The following LYRM4 variants were observed in gnomAD, a reference collection of about 807,000 sequenced individuals.
LYRM4 encodes the protein LYR motif containing 4.
LYRM4 carries 9 observed loss-of-function variants against 11.7 expected under a neutral mutation model. The ratio of observed to expected loss-of-function variants is 0.77; its 90% CI spans 0.46 to 1.34. The LOEUF (loss-of-function observed/expected upper bound fraction) is 1.34, where lower values mean the gene tolerates loss of function less well. LYRM4 is among the 40% of genes most tolerant of loss of function. The pLI is 0.00. For missense variants in LYRM4, 133 were observed against 112.5 expected, an observed-to-expected ratio of 1.18 and a Z score of -0.82; for synonymous variants, 42 against 40.4, an observed-to-expected ratio of 1.04 and a Z score of -0.15.
intron 2 of LYRM4, among the ~76,000 whole-genome samples, chr6:5,154,094 A>G (rs553416606): frequency 9.8e-5 from 15 of 152,286 alleles, no homozygotes; most frequent in African/African-American, 3.6e-4. Flanking sequence ...TATAAATTAG[A>G]TATTCTAAAT....
At chr6:5,235,793 G>C (rs1301266664) in intron 1 of LYRM4, among the ~76,000 whole-genome samples, 1 of 152,156 alleles carries the variant, frequency 6.6e-6, no homozygotes, top group African/African-American at 2.4e-5. Flanking sequence ...TTTTACCCCT[G>C]TGTTTGAGCT....
chr6:5,256,491 GAAAAAAAAAAAA>G (rs1161084364), intron 1 of LYRM4, among the ~76,000 whole-genome samples: 5 of 43,860 alleles, frequency 1.1e-4, no homozygotes, highest in African/African-American at 1.5e-4. Context: ...ATTTCAACTG[GAAAAAAAAAAAA>G]AAAAAAAAAA....
At chr6:5,085,724 G>C in the LYRM4 span, 1 of 1,545,228 alleles carries the variant, frequency 6.5e-7, no homozygotes, top group East Asian at 2.5e-5. Flanking sequence ...CGCCGCCGCT[G>C]CCGCGCGCGC....
At chr6:5,150,189 G>C (rs902574513) in intron 2 of LYRM4, among the ~76,000 whole-genome samples, 2 of 152,362 alleles carry the variant, frequency 1.3e-5, no homozygotes, top group Admixed American at 6.5e-5. Flanking sequence ...ATCAGTAACA[G>C]TGGTGAACCA....
chr6:5,256,786 CCT>C lies in LYRM4; in HGVS notation c.86+3860_86+3861del, dbSNP rs556196487. ...ATACCCTAAATATGAACTAAAAAACCCTCTCTCCACAAGACCAGCTAGTTCTG... is the reference window on the plus strand; with the variant it reads ...ATACCCTAAATATGAACTAAAAAACCCTCTCCACAAGACCAGCTAGTTCTG... On this transcript the variant is annotated intron_variant, in intron 1 of 2. Coordinates refer to ENST00000330636, the MANE Select transcript of LYRM4 (RefSeq NM_020408.6). 2.6e-5 allele frequency among the ~76,000 whole-genome samples: 4 copies of C among 152,166 alleles called. No homozygotes were observed. The South Asian group carries it at 8.3e-4, about 32-fold the overall frequency.
chr6:5,193,926 A>G (rs1298243195), intron 2 of LYRM4, among the ~76,000 whole-genome samples: 1 of 152,152 alleles, frequency 6.6e-6, no homozygotes, highest in Non-Finnish European at 1.5e-5. Flanking sequence ...GATCAAAATT[A>G]ATGGTTCATG....
At chr6:5,157,599 AAAC>A (rs1227655386) in intron 2 of LYRM4, among the ~76,000 whole-genome samples, 1 of 152,164 alleles carries the variant, frequency 6.6e-6, no homozygotes, top group Admixed American at 6.5e-5. Flanking sequence ...TTTAAAACAG[AAAC>A]AACAGAGAAT....
intron 2 of LYRM4, 104 bp downstream of exon 2, chr6:5,216,513 TG>T: frequency 7.7e-7 from 1 of 1,290,818 alleles, no homozygotes; most frequent in Non-Finnish European, 1.1e-6. Flanking sequence ...TTCATGATCC[TG>T]CTCTGTAAAT....
chr6:5,198,478 T>A (rs1401723270), intron 2 of LYRM4, among the ~76,000 whole-genome samples: 2 of 152,184 alleles, frequency 1.3e-5, no homozygotes, highest in African/African-American at 4.8e-5. Context: ...GAAAGGACTC[T>A]ATGAGGTACC....
chr6:5,187,718 C>T (rs1431191474), intron 2 of LYRM4, among the ~76,000 whole-genome samples: 3 of 151,684 alleles, frequency 2.0e-5, no homozygotes, highest in South Asian at 2.1e-4. Context: ...CAAACCTGCA[C>T]GTTGTGCACA....
rs918237136 is a variant in LYRM4, at chr6:5,142,035, G to A, written c.208-32544C>T. Among the ~76,000 whole-genome samples the A allele has an allele frequency of 1.2e-4, 19 of 152,234 alleles. 1 individual carries two copies. Among genetic ancestry groups the A allele is most frequent in the African/African-American group, 4.1e-4 (17 of 41,534 alleles). ...TCTGTGCATGTGTCGGGGGGGATGC[G>A]GGTACAGGTGATAAGGAAACCGGTG... On this transcript the variant is annotated intron_variant, in intron 2 of 2. Transcript: ENST00000330636.
Position 5,187,038 on chromosome 6 carries a change from T to C in LYRM4, c.207+29580A>G, listed in dbSNP as rs989342931. The stretch of plus-strand genomic sequence containing the variant: ...ATAGTAAATGGGGCCCCAAAATAAA[T>C]GACAAACGAGGAACTGTATTTGTAA... On this transcript the variant is annotated intron_variant, in intron 2 of 2. Transcript: ENST00000330636. 7 of 969,062 alleles carry C rather than the reference T, an allele frequency of 7.2e-6. No individual in the cohort carries two copies. In the African/African-American group the frequency reaches 1.2e-4, roughly 17 times the overall value. 60.0% of individuals were successfully genotyped at this position (969,062 alleles called of 1,614,324 possible).
chr6:5,160,662 CA>C (rs1561839491), intron 2 of LYRM4, among the ~76,000 whole-genome samples: 1 of 145,224 alleles, frequency 6.9e-6, no homozygotes, highest in African/African-American at 2.6e-5. Context: ...ACCCCCCCCC[CA>C]GCAATGTGGA....
At chr6:5,190,658 CTA>C (rs1476841636) in intron 2 of LYRM4, among the ~76,000 whole-genome samples, 2 of 151,978 alleles carry the variant, frequency 1.3e-5, no homozygotes, top group Non-Finnish European at 2.9e-5. Flanking sequence ...TGAAAAATTC[CTA>C]TCATCTAGTA....
chr6:5,074,678 G>C, the LYRM4 span, among the ~76,000 whole-genome samples: 1 of 151,300 alleles, frequency 6.6e-6, no homozygotes, highest in Non-Finnish European at 1.5e-5. Context: ...CAACATGCAG[G>C]TTTGTTAAAT....
intron 1 of LYRM4, among the ~76,000 whole-genome samples, chr6:5,228,844 CA>C (rs1366142482): frequency 9.7e-5 from 14 of 144,640 alleles, no homozygotes; most frequent in Admixed American, 1.4e-4. Flanking sequence ...ACTAAAAATA[CA>C]AAAAAAAAAT....
chr6:5,142,546 G>T (rs1757464269), intron 2 of LYRM4, among the ~76,000 whole-genome samples: 1 of 152,056 alleles, frequency 6.6e-6, no homozygotes, highest in South Asian at 2.1e-4. Flanking sequence ...AAGTTTTGGG[G>T]GATGACTTAC....
intron 2 of LYRM4, among the ~76,000 whole-genome samples, chr6:5,114,022 T>C (rs1345201573): frequency 2.6e-5 from 4 of 152,196 alleles, no homozygotes; most frequent in African/African-American, 9.7e-5. Context: ...AAGTTTACAC[T>C]CTCCAGACTC....
rs142846728 is a variant in LYRM4 at position 5,139,083 on chromosome 6, C to T, written c.208-29592G>A. On this transcript the variant is annotated intron_variant, in intron 2 of 2. Transcript: ENST00000330636. ...GTACTTTGTAGATGTAATTGAATGT[C>T]GTCCTTGTTAACACTCTCTGGAAAT... Among the ~76,000 whole-genome samples the T allele has an allele frequency of 2.5e-3, 387 of 152,324 alleles. 2 individuals are homozygous for T. Among genetic ancestry groups the T allele is most frequent in the African/African-American group, 9.0e-3 (372 of 41,562 alleles).
Sources: allele counts gnomAD v4.1 joint callset (sites outside exome capture counted in the v4.1 genomes callset), GRCh38; gene constraint gnomAD v4.1.1; transcripts MANE v1.5; gene names NCBI Gene and HGNC (gene_info 2026-07-23, HGNC 2026-07-21).